AGAP1: variants seen among roughly 807,000 people sequenced by gnomAD.
AGAP1 encodes the protein arf-GAP with GTPase, ANK repeat and PH domain-containing protein 1.
Under a neutral mutation model 105.3 loss-of-function variants are expected in AGAP1, and 29 were observed. The observed-to-expected ratio is 0.28, with a 90% CI of 0.21 to 0.38. AGAP1 has a LOEUF of 0.38. AGAP1 is among the 10% of genes least tolerant of loss of function. AGAP1 has a pLI of 1.00. For synonymous variants in AGAP1, 509 were observed against 485.9 expected, an observed-to-expected ratio of 1.05 and a Z score of -0.63; for missense variants, 998 against 1,165.1, an observed-to-expected ratio of 0.86 and a Z score of 2.09.
rs1466840045 is a variant in AGAP1, at chr2:235,692,265, C to T, written c.164-16914C>T. Among the ~76,000 whole-genome samples, 1 of 152,144 alleles carries T rather than the reference C, an allele frequency of 6.6e-6. No homozygotes were observed. ...CGCTGCCTTGCACCTGTTCCTCTGG[C>T]CTCGCCTCTGTAACAGAACGTGGCC... On this transcript the variant is annotated intron_variant, in intron 1 of 17. Coordinates refer to ENST00000304032, the MANE Select transcript of AGAP1 (RefSeq NM_001037131.3). This position sits in a 1 kb window ranked among gnomAD's most constrained non-coding sequence, Gnocchi z 5.8.
intron 1 of AGAP1, among the ~76,000 whole-genome samples, chr2:235,584,584 C>A (rs1257481144): frequency 1.3e-5 from 2 of 151,742 alleles, no homozygotes; most frequent in Non-Finnish European, 2.9e-5. Context: ...TCGGAGCAAG[C>A]TGTGCTAGGA....
At chr2:236,028,166 C>G (rs1302048255) in intron 13 of AGAP1, among the ~76,000 whole-genome samples, 1 of 152,162 alleles carries the variant, frequency 6.6e-6, no homozygotes, top group African/African-American at 2.4e-5. Flanking sequence ...TTACCTGAAG[C>G]TGGTGCCCAT....
chr2:235,716,485 T>G lies in AGAP1; in HGVS notation c.223-1072T>G, dbSNP rs1307797912. ...TGGAGGCAGGAGGGAGGTCAACAAGTGGAACCGAGAGCAAGCGGGGTGAGT... is the reference window on the plus strand; with the variant it reads ...TGGAGGCAGGAGGGAGGTCAACAAGGGGAACCGAGAGCAAGCGGGGTGAGT... On this transcript the variant is annotated intron_variant, in intron 2 of 17. Coordinates refer to ENST00000304032, the MANE Select transcript of AGAP1 (RefSeq NM_001037131.3). The surrounding 1 kb of genome is among the most constrained non-coding windows in gnomAD (Gnocchi z 4.0). 1.3e-5 allele frequency among the ~76,000 whole-genome samples: 2 copies of G among 151,984 alleles called. No individual in the cohort carries two copies. Among genetic ancestry groups the G allele is most frequent in the African/African-American group, 4.8e-5 (2 of 41,374 alleles).
At chr2:235,895,819 C>T (rs887010622) in intron 10 of AGAP1, among the ~76,000 whole-genome samples, 3 of 152,056 alleles carry the variant, frequency 2.0e-5, no homozygotes, top group Admixed American at 6.6e-5. Flanking sequence ...CCTAAAACCT[C>T]GTGGAAGGAA....
rs74435261 is a variant in AGAP1 at position 235,942,951 on chromosome 2, G to T, written c.1483+12028G>T. On this transcript the variant is annotated intron_variant, in intron 12 of 17. Transcript: ENST00000304032. The stretch of plus-strand genomic sequence containing the variant: ...AAAAAAAAATTCATTTAATTAGCTG[G>T]GCCTAGTGGTGTGCGTCTATAGTCC... Among the ~76,000 whole-genome samples, 522 of 152,154 alleles carry T rather than the reference G, an allele frequency of 3.4e-3. 2 individuals carry two copies. Among genetic ancestry groups the T allele is most frequent in the African/African-American group, 0.012 (499 of 41,508 alleles).
In AGAP1 at chr2:235,633,672, G is replaced by A. The variant is rs1443930442; in HGVS notation, c.164-75507G>A. On this transcript the variant is annotated intron_variant, in intron 1 of 17. Coordinates refer to ENST00000304032, the MANE Select transcript of AGAP1 (RefSeq NM_001037131.3). The surrounding 1 kb of genome is among the most constrained non-coding windows in gnomAD (Gnocchi z 4.8). Reference sequence around the variant, plus strand: ...GGCCTGTCTGTTCAGATTCCTCTTGGCCTCTGTGTAACATTTCTTCCTCTC... The same window carrying A: ...GGCCTGTCTGTTCAGATTCCTCTTGACCTCTGTGTAACATTTCTTCCTCTC... Among the ~76,000 whole-genome samples, 1 of 152,120 alleles carries A rather than the reference G, an allele frequency of 6.6e-6. No individual in the cohort carries two copies. The highest frequency in any genetic ancestry group is 1.5e-5 in the Non-Finnish European group (1 of 68,026).
At chr2:235,955,114 G>T (rs2053891405) in intron 12 of AGAP1, among the ~76,000 whole-genome samples, 1 of 152,204 alleles carries the variant, frequency 6.6e-6, no homozygotes, top group Admixed American at 6.5e-5. Context: ...CCTGTGTGAA[G>T]AAATTGAGGC....
intron 1 of AGAP1, chr2:235,671,201 C>T (rs1948402177): frequency 1.0e-6 from 1 of 976,440 alleles, no homozygotes; most frequent in Non-Finnish European, 1.3e-6. Flanking sequence ...TGCGGTTTTC[C>T]CCAGCAGGGC....
intron 10 of AGAP1, among the ~76,000 whole-genome samples, chr2:235,899,047 T>C (rs1471932471): frequency 6.6e-6 from 1 of 152,176 alleles, no homozygotes; most frequent in Non-Finnish European, 1.5e-5. Context: ...TATAGAAGAC[T>C]TCTAAATAGG....
In AGAP1 at chr2:235,888,261, G is replaced by A. The variant is rs1236886524; in HGVS notation, c.1155+4812G>A. On this transcript the variant is annotated intron_variant, in intron 10 of 17. Coordinates refer to ENST00000304032, the MANE Select transcript of AGAP1 (RefSeq NM_001037131.3). This position sits in a 1 kb window ranked among gnomAD's most constrained non-coding sequence, Gnocchi z 4.8. Reference sequence around the variant, plus strand: ...ATTATTTGTTCTTTAGGATCAAACCGAGAAGGTGGAATCGAGGGTCTTTAC... The same window carrying A: ...ATTATTTGTTCTTTAGGATCAAACCAAGAAGGTGGAATCGAGGGTCTTTAC... Among the ~76,000 whole-genome samples the A allele has an allele frequency of 6.6e-6, 1 of 152,232 alleles. No homozygotes were observed. Among genetic ancestry groups the A allele is most frequent in the South Asian group, 2.1e-4 (1 of 4,816 alleles).
chr2:235,968,675 T>A (rs750760643), intron 13 of AGAP1, 52 bp downstream of exon 13: 1 of 1,559,824 alleles, frequency 6.4e-7, no homozygotes, highest in Non-Finnish European at 8.7e-7. Flanking sequence ...GAAAATTCTC[T>A]GTTATTTTTC....
chr2:235,776,342 T>C (rs1955861661), intron 6 of AGAP1, among the ~76,000 whole-genome samples: 1 of 152,156 alleles, frequency 6.6e-6, no homozygotes, highest in South Asian at 2.1e-4. Flanking sequence ...GGCCTCCTCC[T>C]CAGTCACTGA....
At chr2:235,918,349 G>A (rs1290799644) in intron 11 of AGAP1, among the ~76,000 whole-genome samples, 4 of 152,218 alleles carry the variant, frequency 2.6e-5, no homozygotes, top group African/African-American at 7.2e-5. Context: ...ACCAGGTTTT[G>A]TTGGAATTGG....
At chr2:235,504,723 A>C (rs1000066102) in intron 1 of AGAP1, among the ~76,000 whole-genome samples, 10 of 151,980 alleles carry the variant, frequency 6.6e-5, no homozygotes, top group African/African-American at 2.2e-4. Flanking sequence ...GAAACCTTTC[A>C]GTGCTTTCAA....
intron 16 of AGAP1, among the ~76,000 whole-genome samples, chr2:236,103,784 G>A (rs1029688999): frequency 2.6e-5 from 4 of 151,990 alleles, no homozygotes; most frequent in African/African-American, 7.3e-5. Flanking sequence ...GGTCAGGCTG[G>A]TCTCGAACTC....
chr2:235,974,680 C>G (rs965527198), intron 13 of AGAP1, among the ~76,000 whole-genome samples: 5 of 151,696 alleles, frequency 3.3e-5, no homozygotes. Flanking sequence ...CTCATCACAG[C>G]TGCACTCACT....
chr2:235,761,261 A>AT (rs1033452677), intron 6 of AGAP1, among the ~76,000 whole-genome samples: 8 of 152,110 alleles, frequency 5.3e-5, no homozygotes, highest in Admixed American at 1.3e-4. Context: ...TAAGTCTGGG[A>AT]TTTTTCCTGC....
intron 11 of AGAP1, among the ~76,000 whole-genome samples, chr2:235,916,046 A>G (rs2051864280): frequency 1.3e-5 from 2 of 152,228 alleles, no homozygotes; most frequent in Non-Finnish European, 2.9e-5. Flanking sequence ...CTAGAAGCCT[A>G]TGCAAAGACG....
rs142748149 is a variant in AGAP1 at position 235,781,352 on chromosome 2, C to T, written c.674-16407C>T. Among the ~76,000 whole-genome samples, 639 of 152,186 alleles carry T rather than the reference C, an allele frequency of 4.2e-3. 3 individuals carry two copies. Among genetic ancestry groups the T allele is most frequent in the Middle Eastern group, 0.024 (7 of 294 alleles). On this transcript the variant is annotated intron_variant, in intron 6 of 17. Transcript: ENST00000304032. ...CTTGGATTCATTCCCTGGAAATGGA[C>T]GTTTGAAGGTAAATTGCTTAAGTAG...
Sources: allele counts gnomAD v4.1 joint callset (sites outside exome capture counted in the v4.1 genomes callset), GRCh38; gene constraint gnomAD v4.1.1; non-coding constraint Gnocchi (gnomAD v3.1); transcripts MANE v1.5; gene names NCBI Gene and HGNC (gene_info 2026-07-23, HGNC 2026-07-21).